The following PCCA variants were observed in gnomAD, a reference collection of about 807,000 sequenced individuals.
The protein encoded by PCCA is propionyl-CoA carboxylase alpha chain, mitochondrial.
Under a neutral mutation model 101.3 loss-of-function variants are expected in PCCA, and 74 were observed. The ratio of observed to expected loss-of-function variants is 0.73; its 90% confidence interval spans 0.61 to 0.89. The LOEUF is 0.89. PCCA is among the 40% of genes least tolerant of loss of function. The pLI is 0.00. For synonymous variants in PCCA, 294 were observed against 313.6 expected, an observed-to-expected ratio of 0.94 and a Z score of 0.66; for missense variants, 891 against 907.0, an observed-to-expected ratio of 0.98 and a Z score of 0.23.
At chr13:100,428,332 TA>T (rs2079306782) in intron 20 of PCCA, among the ~76,000 whole-genome samples, 1 of 5,700 alleles carries the variant, frequency 1.8e-4, no homozygotes, top group South Asian at 6.8e-3. Flanking sequence ...CGACCCCCCC[TA>T]CCCCCCACCC....
intron 4 of PCCA, among the ~76,000 whole-genome samples, chr13:100,117,918 C>T (rs191104677): frequency 5.1e-4 from 77 of 151,982 alleles, no homozygotes; most frequent in African/African-American, 1.8e-3. Context: ...AGATCGAGAC[C>T]ATCCTGGCTA....
chr13:100,164,228 G>T (rs1470923572), intron 6 of PCCA, among the ~76,000 whole-genome samples: 3 of 152,122 alleles, frequency 2.0e-5, no homozygotes, highest in Admixed American at 6.5e-5. Flanking sequence ...ACATACACAT[G>T]GGGTCTTCAG....
intron 18 of PCCA, among the ~76,000 whole-genome samples, chr13:100,354,707 T>C (rs1402230201): frequency 1.3e-5 from 2 of 152,152 alleles, no homozygotes; most frequent in Middle Eastern, 3.2e-3. Flanking sequence ...TAAGGGAATA[T>C]TGTGAACAAT....
intron 7 of PCCA, among the ~76,000 whole-genome samples, chr13:100,232,382 G>GTGTGTGTGTGTA (rs2060543665): frequency 6.6e-6 from 1 of 151,222 alleles, no homozygotes; most frequent in African/African-American, 2.4e-5. Flanking sequence ...GTGTGTGTGT[G>GTGTGTGTGTGTA]TGTGTGTGTG....
Position 100,209,467 on chromosome 13 carries a change from A to T in PCCA, c.600+4A>T, listed in dbSNP as rs1372485828. The T allele has an allele frequency of 6.2e-7, 1 of 1,611,274 alleles. No individual in the cohort carries two copies. The highest frequency in any genetic ancestry group is 8.5e-7 in the Non-Finnish European group (1 of 1,177,420). On this transcript the variant is annotated splice_donor_region_variant and intron_variant, in intron 7 of 23. Coordinates refer to ENST00000376285, the MANE Select transcript of PCCA (RefSeq NM_000282.4). ...TGGCTTTGATGGAGTAGTCAAGGTG[A>T]GAAGCTACTTTAACTTTTATTGTAT...
intron 14 of PCCA, among the ~76,000 whole-genome samples, chr13:100,305,247 GT>G (rs1319222374): frequency 1.3e-5 from 2 of 152,108 alleles, no homozygotes; most frequent in Non-Finnish European, 2.9e-5. Flanking sequence ...GTATTTTAAA[GT>G]TAAGATGACA....
chr13:100,390,835 A>T (rs1441101259), intron 19 of PCCA, among the ~76,000 whole-genome samples: 1 of 152,228 alleles, frequency 6.6e-6, no homozygotes, highest in Non-Finnish European at 1.5e-5. Context: ...ACATTGAGAT[A>T]TGCGGACAAG....
rs534361898 is a variant in PCCA, at chr13:100,469,211, C to CAAAAAAAAAAAAAAAAAAAAAAAAAAA, written c.1899+19922_1899+19923insAAAAAAAAAAAAAAAAAAAAAAAAAAA. Among the ~76,000 whole-genome samples the CAAAAAAAAAAAAAAAAAAAAAAAAAAA allele has an allele frequency of 4.3e-4, 28 of 64,968 alleles. 1 individual carries two copies. Among genetic ancestry groups the CAAAAAAAAAAAAAAAAAAAAAAAAAAA allele is most frequent in the Non-Finnish European group, 7.8e-4 (26 of 33,244 alleles). The allele number at this position is 64,968 out of a possible 152,430, so 42.6% of individuals were successfully genotyped here. A position where few individuals can be genotyped will look rare whatever the true frequency, so the allele number is the denominator to read the frequency against. Reference sequence around the variant, plus strand: ...GGGCAACAAGAGTGAAACTCCGTCTCAAAAAAAAAAAAAAAAGAATCCCTT... The same window carrying CAAAAAAAAAAAAAAAAAAAAAAAAAAA: ...GGGCAACAAGAGTGAAACTCCGTCTCAAAAAAAAAAAAAAAAAAAAAAAAAAAAAAAAAAAAAAAAAAAGAATCCCTT... On this transcript the variant is annotated intron_variant, in intron 21 of 23. Transcript: ENST00000376285.
chr13:100,256,482 G>A (rs192636808), intron 8 of PCCA, among the ~76,000 whole-genome samples: 2 of 152,242 alleles, frequency 1.3e-5, no homozygotes, highest in East Asian at 3.9e-4. Flanking sequence ...AGTGCACTGA[G>A]CATTGTTTCA....
At chr13:100,342,729 T>C (rs1595461978) in intron 18 of PCCA, among the ~76,000 whole-genome samples, 1 of 151,526 alleles carries the variant, frequency 6.6e-6, no homozygotes, top group Non-Finnish European at 1.5e-5. Flanking sequence ...TTTTTTCTTT[T>C]CTTTTTAGAG....
intron 17 of PCCA, among the ~76,000 whole-genome samples, chr13:100,336,227 C>A (rs2070428598): frequency 6.6e-6 from 1 of 152,086 alleles, no homozygotes; most frequent in South Asian, 2.1e-4. Context: ...GTGCCACTGC[C>A]CTCCAGCCTG....
intron 6 of PCCA, among the ~76,000 whole-genome samples, chr13:100,191,095 TAAAAC>T (rs1369349575): frequency 6.6e-6 from 1 of 152,056 alleles, no homozygotes; most frequent in Non-Finnish European, 1.5e-5. Context: ...CTGCTTCCAA[TAAAAC>T]AAAACAAAAC....
chr13:100,102,923 G>C lies in PCCA; in HGVS notation c.146G>C (p.Arg49Pro). ...YYSRQCLMVS[R>P]NLGSVGYDPN... ...TCAAGACAGTGCTTAATGGTGTCCC[G>C]TAATCTTGGTTCAGTGGGATATGAT... The change falls in exon 2 of 24, where the codon CGT (arginine) becomes CCT (proline). Residue 49 changes from arginine to proline, a missense_variant. By Grantham distance (103) the Arg-to-Pro change is moderately radical. Coordinates refer to ENST00000376285, the MANE Select transcript of PCCA (RefSeq NM_000282.4). The C allele has an allele frequency of 6.2e-7, 1 of 1,611,066 alleles. No homozygotes were observed. Among genetic ancestry groups the C allele is most frequent in the East Asian group, 2.2e-5 (1 of 44,840 alleles).
At position 100,222,189 on chromosome 13, in the gene PCCA, C is replaced by T. The variant is rs530472926; in HGVS notation, c.600+12726C>T. On this transcript the variant is annotated intron_variant, in intron 7 of 23. Transcript: ENST00000376285. ...CGGAGTAGCTGGGATTACAGATATG[C>T]GCCACCATGCCTGGCTAATTTTTGT... Among the ~76,000 whole-genome samples, 11 of 152,124 alleles carry T rather than the reference C, an allele frequency of 7.2e-5. No individual in the cohort carries two copies. In the South Asian group the frequency reaches 1.5e-3, roughly 20 times the overall value.
At chr13:100,130,396 A>G (rs1053768526) in intron 4 of PCCA, among the ~76,000 whole-genome samples, 1 of 152,232 alleles carries the variant, frequency 6.6e-6, no homozygotes, top group South Asian at 2.1e-4. Context: ...TGAGTCATTC[A>G]TCTGAATTGG....
intron 22 of PCCA, among the ~76,000 whole-genome samples, chr13:100,522,164 T>G (rs1283169302): frequency 1.3e-5 from 2 of 152,194 alleles, no homozygotes; most frequent in Non-Finnish European, 2.9e-5. Context: ...TTAATTGGCC[T>G]GCGTAGAAGT....
chr13:100,255,072 G>A (rs540712820), intron 8 of PCCA, among the ~76,000 whole-genome samples: 7 of 152,102 alleles, frequency 4.6e-5, no homozygotes, highest in East Asian at 1.9e-4. Flanking sequence ...GTGACAGAGC[G>A]AGACCAAAAA....
chr13:100,143,230 T>C (rs1320824386), intron 4 of PCCA, among the ~76,000 whole-genome samples: 3 of 152,104 alleles, frequency 2.0e-5, no homozygotes, highest in Admixed American at 6.6e-5. Flanking sequence ...TCTTTAACTA[T>C]TGAGTTAAAA....
chr13:100,278,631 C>T (rs1306616643), intron 12 of PCCA, among the ~76,000 whole-genome samples: 1 of 152,066 alleles, frequency 6.6e-6, no homozygotes, highest in East Asian at 1.9e-4. Context: ...AGGTGCGTGC[C>T]ACTACGCCCA....
Sources: allele counts gnomAD v4.1 joint callset (sites outside exome capture counted in the v4.1 genomes callset), GRCh38; gene constraint gnomAD v4.1.1; transcripts MANE v1.5; gene names NCBI Gene and HGNC (gene_info 2026-07-23, HGNC 2026-07-21).